PAG1: variants seen among roughly 807,000 people sequenced by gnomAD.
PAG1 encodes the protein phosphoprotein membrane anchor with glycosphingolipid microdomains 1.
PAG1 carries 23 observed loss-of-function variants against 31.7 expected under a neutral mutation model. The observed-to-expected ratio is 0.73, with a 90% CI of 0.52 to 1.03. The LOEUF is 1.03. Ranked by LOEUF, PAG1 falls within the 50% of genes least tolerant of loss-of-function variation. The pLI, the probability that PAG1 is intolerant of heterozygous loss-of-function variation, is 0.00. For missense variants in PAG1, 473 were observed against 540.7 expected (o/e 0.87, Z 1.24); for synonymous variants, 214 against 210.3 (o/e 1.02, Z -0.15).
intron 3 of PAG1, among the ~76,000 whole-genome samples, chr8:81,028,749 T>C (rs1382053817): frequency 1.3e-5 from 2 of 152,376 alleles, no homozygotes; most frequent in East Asian, 1.9e-4. Flanking sequence ...TTTCCCATTC[T>C]GTACGCACAG....
intron 2 of PAG1, among the ~76,000 whole-genome samples, chr8:81,064,202 G>GTCCCTGGTGC (rs1808966332): frequency 6.6e-6 from 1 of 152,158 alleles, no homozygotes; most frequent in African/African-American, 2.4e-5. Context: ...TTTTCCACAG[G>GTCCCTGGTGC]CAGGGGGAGT....
intron 2 of PAG1, among the ~76,000 whole-genome samples, chr8:81,048,356 C>T (rs1484264452): frequency 6.6e-6 from 1 of 152,072 alleles, no homozygotes; most frequent in Non-Finnish European, 1.5e-5. Context: ...TTACTCTACC[C>T]AAGGGGAGGT....
chr8:81,007,467 CAAA>C (rs10563214), intron 3 of PAG1, among the ~76,000 whole-genome samples: 74,717 of 128,372 alleles, frequency 0.58, 22,509 homozygotes, highest in Non-Finnish European at 0.68. Context: ...TACAAAAATA[CAAA>C]AAAAAAAAAA....
intron 3 of PAG1, among the ~76,000 whole-genome samples, chr8:80,994,464 T>G (rs1236407126): frequency 6.6e-6 from 1 of 152,238 alleles, no homozygotes; most frequent in East Asian, 1.9e-4. Context: ...ATTTAATTGC[T>G]GTCACCACCC....
At chr8:81,094,876 G>T (rs180973906) in intron 1 of PAG1, among the ~76,000 whole-genome samples, 2 of 152,264 alleles carry the variant, frequency 1.3e-5, no homozygotes, top group Admixed American at 1.3e-4. Flanking sequence ...ACATTGCTTT[G>T]CCAGCCATAA....
rs1391795075 is a variant in PAG1 at position 80,991,467 on chromosome 8, G to A, written c.177+12C>T. 1 of 1,607,258 alleles carries A rather than the reference G, an allele frequency of 6.2e-7. No individual in the cohort carries two copies. Among genetic ancestry groups the A allele is most frequent in the Non-Finnish European group, 8.5e-7 (1 of 1,173,788 alleles). The stretch of plus-strand genomic sequence containing the variant: ...GCACGGACAGACAGGCAGACGACAC[G>A]CGCAGGCTCACCACGTTCATCAGGT... On this transcript the variant is annotated intron_variant, in intron 5 of 8. Coordinates refer to ENST00000220597, the MANE Select transcript of PAG1 (RefSeq NM_018440.4).
At chr8:81,073,300 G>A (rs1301980687) in intron 1 of PAG1, among the ~76,000 whole-genome samples, 1 of 152,208 alleles carries the variant, frequency 6.6e-6, no homozygotes, top group East Asian at 1.9e-4. Flanking sequence ...CAATGCTACG[G>A]AGTGCAGAGC....
At chr8:81,030,478 CAA>C (rs1159231172) in intron 2 of PAG1, among the ~76,000 whole-genome samples, 2 of 152,174 alleles carry the variant, frequency 1.3e-5, no homozygotes, top group Admixed American at 1.3e-4. Context: ...TGAAATAAAA[CAA>C]GTGATTTATT....
At chr8:80,994,762 C>T (rs1447141670) in intron 3 of PAG1, among the ~76,000 whole-genome samples, 2 of 152,120 alleles carry the variant, frequency 1.3e-5, no homozygotes, top group African/African-American at 2.4e-5. Context: ...AAAATGGAGT[C>T]GTATATCAAA....
chr8:81,103,303 AAACAT>A (rs1402774401), intron 1 of PAG1, among the ~76,000 whole-genome samples: 3 of 152,192 alleles, frequency 2.0e-5, no homozygotes, highest in African/African-American at 7.2e-5. Flanking sequence ...AAAATCTCTT[AAACAT>A]AACACCCCCT....
intron 2 of PAG1, among the ~76,000 whole-genome samples, chr8:81,032,226 A>AAT (rs1425566307): frequency 6.6e-6 from 1 of 152,226 alleles, no homozygotes; most frequent in Non-Finnish European, 1.5e-5. Flanking sequence ...ATTTCATTAA[A>AAT]ATAAAAATAT....
intron 3 of PAG1, among the ~76,000 whole-genome samples, chr8:81,016,504 T>C (rs1181203584): frequency 6.6e-6 from 1 of 152,176 alleles, no homozygotes; most frequent in Non-Finnish European, 1.5e-5. Flanking sequence ...ATTTTGTTTT[T>C]CACTAATGAA....
At chr8:81,072,225 G>C (rs180961322) in intron 1 of PAG1, among the ~76,000 whole-genome samples, 297 of 152,326 alleles carry the variant, frequency 1.9e-3, no homozygotes, top group African/African-American at 6.7e-3. Context: ...CCTGATAGGT[G>C]GGTCCCCCAA....
At chr8:81,033,897 C>T (rs1016601361) in intron 2 of PAG1, among the ~76,000 whole-genome samples, 2 of 152,166 alleles carry the variant, frequency 1.3e-5, no homozygotes, top group African/African-American at 4.8e-5. Context: ...AGTGTTTTCT[C>T]GAGGTTATAT....
At chr8:81,082,263 A>T (rs1809280798) in intron 1 of PAG1, among the ~76,000 whole-genome samples, 1 of 151,354 alleles carries the variant, frequency 6.6e-6, no homozygotes, top group African/African-American at 2.4e-5. Flanking sequence ...AAAAAAAAAA[A>T]AAAAAAAAAA....
At chr8:81,080,469 TA>T (rs1809248406) in intron 1 of PAG1, among the ~76,000 whole-genome samples, 1 of 152,162 alleles carries the variant, frequency 6.6e-6, no homozygotes, top group Admixed American at 6.5e-5. Context: ...TCCTCTACTG[TA>T]AGAAAAACAA....
intron 2 of PAG1, among the ~76,000 whole-genome samples, chr8:81,064,161 GGCA>G (rs1808965421): frequency 6.6e-6 from 1 of 152,182 alleles, no homozygotes; most frequent in African/African-American, 2.4e-5. Flanking sequence ...CAACCATTCT[GGCA>G]CCAGGGACCG....
At chr8:81,075,416 C>T (rs1426501899) in intron 1 of PAG1, among the ~76,000 whole-genome samples, 1 of 152,236 alleles carries the variant, frequency 6.6e-6, no homozygotes, top group Non-Finnish European at 1.5e-5. Context: ...GTGACATTTT[C>T]ATGAACCCAG....
chr8:81,037,091 TTATAAG>T (rs926663221), intron 2 of PAG1: 2 of 152,158 alleles, frequency 1.3e-5, no homozygotes, highest in African/African-American at 2.4e-5. Context: ...ATCAAAAAGA[TTATAAG>T]TATGACACCG....
Sources: gnomAD v4.1 joint callset for allele counts (sites outside exome capture counted in the v4.1 genomes callset) on GRCh38, gnomAD v4.1.1 for gene constraint, MANE v1.5 for transcripts, NCBI Gene and HGNC (gene_info 2026-07-23, HGNC 2026-07-21) for gene names.